The following IARS2 variants were observed in gnomAD, a reference collection of about 807,000 sequenced individuals.
The protein encoded by IARS2 is isoleucyl-tRNA synthetase 2, mitochondrial.
A neutral mutation model predicts 126.3 loss-of-function variants in IARS2; 56 were observed. The observed-to-expected ratio is 0.44, with a 90% CI of 0.36 to 0.55. IARS2 has a LOEUF of 0.55. IARS2 is among the 20% of genes least tolerant of loss of function. The probability of loss-of-function intolerance (pLI) is 0.00; values close to 1 mark genes in which losing one functional copy is unlikely to be tolerated. For synonymous variants in IARS2, 407 were observed against 441.1 expected (o/e 0.92, Z 0.97); for missense variants, 1,127 against 1,245.9 (o/e 0.90, Z 1.44).
At position 220,097,069 on chromosome 1, in the gene IARS2, T is replaced by C. The variant is rs184855066; in HGVS notation, c.390+843T>C. ...TCAAAAAAAAAAAAAAATCATGTTT[T>C]GTGATATAAATACAGAATAAAACTC... On this transcript the variant is annotated intron_variant, in intron 2 of 22. Coordinates refer to ENST00000366922, the MANE Select transcript of IARS2 (RefSeq NM_018060.4). Among the ~76,000 whole-genome samples, 557 of 152,128 alleles carry C rather than the reference T, an allele frequency of 3.7e-3. 5 individuals are homozygous for C. Among genetic ancestry groups the C allele is most frequent in the African/African-American group, 0.012 (516 of 41,500 alleles).
intron 15 of IARS2, 144 bp downstream of exon 15, chr1:220,134,654 AAGG>A: frequency 2.2e-6 from 1 of 453,592 alleles, no homozygotes; most frequent in Non-Finnish European, 3.9e-6. Context: ...AGAAAGGAAA[AAGG>A]AGACAACACC....
At chr1:220,125,914 G>C (rs567098015) in intron 13 of IARS2, among the ~76,000 whole-genome samples, 1 of 151,538 alleles carries the variant, frequency 6.6e-6, no homozygotes, top group East Asian at 1.9e-4. Flanking sequence ...AGACCATCCT[G>C]GCTAATACAG....
intron 12 of IARS2, among the ~76,000 whole-genome samples, chr1:220,122,948 G>A (rs935422624): frequency 6.7e-6 from 1 of 149,882 alleles, no homozygotes; most frequent in African/African-American, 2.5e-5. Context: ...AAAAAAAAAG[G>A]CAAAATGACA....
At chr1:220,116,123 C>T (rs529933243) in intron 12 of IARS2, among the ~76,000 whole-genome samples, 53 of 152,204 alleles carry the variant, frequency 3.5e-4, no homozygotes, top group African/African-American at 1.1e-3. Flanking sequence ...GCGAGAGGAT[C>T]GCTCAAGTCC....
intron 11 of IARS2, among the ~76,000 whole-genome samples, chr1:220,113,093 G>T (rs151234840): frequency 0.034 from 5,179 of 152,154 alleles, 161 homozygotes; most frequent in African/African-American, 0.084. Context: ...TTGAACTCCT[G>T]AGCTCGGGTG....
chr1:220,147,711 G>A lies in IARS2; in HGVS notation c.*76G>A. Reference sequence around the variant, plus strand: ...TTTGGATGGATTATTTACAATATAGGAAAGAAAGCCAAGATTTAGGTAATG... The same window carrying A: ...TTTGGATGGATTATTTACAATATAGAAAAGAAAGCCAAGATTTAGGTAATG... On this transcript the variant is annotated 3_prime_UTR_variant, in exon 23 of 23. Transcript: ENST00000366922. 6.7e-7 allele frequency: 1 copy of A among 1,489,078 alleles called. No individual in the cohort carries two copies. The highest frequency in any genetic ancestry group is 2.3e-5 in the East Asian group (1 of 43,826). The allele number at this position is 1,489,078 out of a possible 1,614,324, so 92.2% of individuals were successfully genotyped here.
intron 14 of IARS2, among the ~76,000 whole-genome samples, chr1:220,130,859 G>T (rs1459366592): frequency 1.3e-5 from 2 of 152,158 alleles, no homozygotes. Context: ...TTTTCCCACT[G>T]TATGTTCCTG....
At chr1:220,135,438 G>A (rs990951387) in intron 15 of IARS2, among the ~76,000 whole-genome samples, 4 of 151,862 alleles carry the variant, frequency 2.6e-5, no homozygotes, top group African/African-American at 9.7e-5. Flanking sequence ...TTGGCTCACT[G>A]CAGCCTCTGT....
At chr1:220,125,383 G>A (rs1420635645) in intron 13 of IARS2, 44 bp downstream of exon 13, 3 of 1,157,066 alleles carry the variant, frequency 2.6e-6, no homozygotes, top group Non-Finnish European at 3.9e-6. Context: ...TGTATTACAG[G>A]ACTTAATGAC....
In IARS2 at chr1:220,141,715, G is replaced by A. The variant is rs970619595; in HGVS notation, c.2415-88G>A. On this transcript the variant is annotated intron_variant, in intron 19 of 22. Coordinates refer to ENST00000366922, the MANE Select transcript of IARS2 (RefSeq NM_018060.4). ...ATTAGAGCCATAGGATTAGCCACTA[G>A]GAATAAACTCAACCTGAGGCAGGTC... is the stretch of plus-strand genomic sequence containing the variant. 10 of 1,281,410 alleles carry A rather than the reference G, an allele frequency of 7.8e-6. No homozygotes were observed. The African/African-American group carries it at 1.2e-4, about 15-fold the overall frequency. 79.4% of individuals were successfully genotyped at this position (1,281,410 alleles called of 1,614,324 possible).
Position 220,125,255 on chromosome 1 carries a change from T to G in IARS2, c.1659T>G (p.Ile553Met), listed in dbSNP as rs1011023720. The change falls in exon 13 of 23, where the codon ATT becomes ATG. Residue 553 changes from isoleucine to methionine, a missense_variant. Coordinates refer to ENST00000366922, the MANE Select transcript of IARS2 (RefSeq NM_018060.4). The part of the protein sequence containing the change: ...YLINSQTTEH[I>M]VKLVEQHGSD... The stretch of plus-strand genomic sequence containing the variant: ...GAAATAGCCAAACCACTGAGCATAT[T>G]GTTAAACTAGTGGAACAACACGGCA... 6.2e-7 allele frequency: 1 copy of G among 1,612,716 alleles called. No homozygotes were observed. The highest frequency in any genetic ancestry group is 8.5e-7 in the Non-Finnish European group (1 of 1,178,932).
intron 10 of IARS2, among the ~76,000 whole-genome samples, chr1:220,108,578 G>A (rs1339098905): frequency 1.3e-5 from 2 of 151,830 alleles, no homozygotes; most frequent in African/African-American, 2.4e-5. Context: ...GTAGAGATGG[G>A]GTTTCACCAT....
intron 10 of IARS2, among the ~76,000 whole-genome samples, chr1:220,108,023 T>G (rs564831135): frequency 6.2e-4 from 94 of 152,248 alleles, no homozygotes; most frequent in African/African-American, 2.2e-3. Flanking sequence ...CTTAGCCTCC[T>G]GAGCAGATGG....
chr1:220,136,748 A>C, intron 15 of IARS2, 61 bp from the exon 16 acceptor site: 8 of 843,402 alleles, frequency 9.5e-6, no homozygotes, highest in Non-Finnish European at 1.5e-5. Flanking sequence ...AGCTGTACCT[A>C]ATCTTCAAAA....
At chr1:220,145,750 G>T (rs1657573448) in intron 22 of IARS2, 97 bp downstream of exon 22, 5 of 970,642 alleles carry the variant, frequency 5.2e-6, no homozygotes, top group Non-Finnish European at 4.4e-6. Context: ...TCTAAAGGTA[G>T]ATATATACTT....
chr1:220,102,811 CAAAT>C (rs1385960130), intron 7 of IARS2, 34 bp downstream of exon 7: 2 of 1,148,766 alleles, frequency 1.7e-6, no homozygotes, highest in Non-Finnish European at 2.6e-6. Flanking sequence ...GTTTTATACA[CAAAT>C]AGAATGTATT....
At position 220,100,510 on chromosome 1, in the gene IARS2, T is replaced by C. The variant is rs752445955; in HGVS notation, c.411T>C (p.Asn137=). The change falls in exon 3 of 23, where the codon AAT becomes AAC. Residue 137 remains asparagine, a synonymous_variant. Transcript: ENST00000366922. ...ALNKILKDIA[N]RFHMMNGSKI... The stretch of plus-strand genomic sequence containing the variant: ...TGCAGATTTTGAAAGACATAGCCAA[T>C]CGATTCCATATGATGAATGGCTCCA... The C allele has an allele frequency of 6.2e-7, 1 of 1,610,900 alleles. No homozygotes were observed. Among genetic ancestry groups the C allele is most frequent in the Non-Finnish European group, 8.5e-7 (1 of 1,178,666 alleles).
rs761898501 is a variant in IARS2, at chr1:220,147,549, G to C, written c.2953G>C (p.Glu985Gln). The change falls in exon 23 of 23, where the codon GAA (glutamate) becomes CAA (glutamine). Residue 985 changes from glutamate to glutamine, a missense_variant. Coordinates refer to ENST00000366922, the MANE Select transcript of IARS2 (RefSeq NM_018060.4). ...YKVIVMPTTK[E>Q]KCPRCWKYTA... ...AGTAATTGTCATGCCGACTACGAAA[G>C]AAAAATGCCCCCGTTGTTGGAAGTA... 2 of 1,614,142 alleles carry C rather than the reference G, an allele frequency of 1.2e-6. No individual in the cohort carries two copies. Among genetic ancestry groups the C allele is most frequent in the East Asian group, 2.2e-5 (1 of 44,874 alleles).
At chr1:220,122,491 A>G (rs972385436) in intron 12 of IARS2, among the ~76,000 whole-genome samples, 1 of 152,234 alleles carries the variant, frequency 6.6e-6, no homozygotes, top group Non-Finnish European at 1.5e-5. Context: ...GATGAGTTAG[A>G]GAGGCAGAAT....
Sources: gnomAD v4.1 joint callset for allele counts (sites outside exome capture counted in the v4.1 genomes callset) on GRCh38, gnomAD v4.1.1 for gene constraint, MANE v1.5 for transcripts, NCBI Gene and HGNC (gene_info 2026-07-23, HGNC 2026-07-21) for gene names.